Variants in OTOGL observed in about 807,000 individuals in gnomAD.
The protein encoded by OTOGL is otogelin like.
In OTOGL, 285 loss-of-function variants were observed where a neutral mutation model predicts 318.5. That is an observed-to-expected ratio of 0.89 (90% CI 0.81 to 0.99). The LOEUF (loss-of-function observed/expected upper bound fraction) is 0.99, where lower values mean the gene tolerates loss of function less well. Among genes scored for constraint, OTOGL ranks in the 50% least tolerant of loss-of-function variants. OTOGL has a pLI of 0.00. For missense variants in OTOGL, 2,899 were observed against 2,845.6 expected (o/e 1.02, Z -0.43); for synonymous variants, 987 against 936.5 (o/e 1.05, Z -0.99).
At position 80,356,842 on chromosome 12, in the gene OTOGL, C is replaced by T; in HGVS notation, c.5947C>T (p.Pro1983Ser). The stretch of plus-strand genomic sequence containing the variant: ...ATTGAAATGCCCCAGTATTTCAACA[C>T]CAGAATGCAGAGAAGATCAATTCAT... Reference protein sequence around the residue: ...DPLKCPSISTPECREDQFMIQ... With the variant: ...DPLKCPSISTSECREDQFMIQ... Residue 1983 changes from proline to serine, a missense_variant, in exon 49 of 59, where the codon CCA (proline) becomes TCA (serine). Transcript: ENST00000547103. 6.3e-7 allele frequency: 1 copy of T among 1,594,102 alleles called. No individual in the cohort carries two copies. Among genetic ancestry groups the T allele is most frequent in the Non-Finnish European group, 8.5e-7 (1 of 1,170,702 alleles).
chr12:80,314,965 A>G (rs572115958), intron 32 of OTOGL, among the ~76,000 whole-genome samples: 1 of 152,338 alleles, frequency 6.6e-6, no homozygotes, highest in African/African-American at 2.4e-5. Context: ...AAGTGAAGTA[A>G]GTCAGGCACA....
Position 80,279,089 on chromosome 12 carries a change from T to C in OTOGL, c.2851T>C (p.Tyr951His). ...TCCATGCCCAGCAGTGTGCACAATATACGGGGACCGACATTATTATTCTTT... is the reference window on the plus strand; with the variant it reads ...TCCATGCCCAGCAGTGTGCACAATACACGGGGACCGACATTATTATTCTTT... ...YYPCPAVCTI[Y>H]GDRHYYSFDG... Residue 951 changes from tyrosine to histidine, a missense_variant, in exon 26 of 59, where the codon TAC becomes CAC. Tyr to His is a moderately conservative substitution (Grantham distance 83). Coordinates refer to ENST00000547103, the MANE Select transcript of OTOGL (RefSeq NM_001378609.3). 6.3e-7 allele frequency: 1 copy of C among 1,583,904 alleles called. No homozygotes were observed.
chr12:80,125,619 GCTC>G (rs1335078005), intron 1 of OTOGL, among the ~76,000 whole-genome samples: 1 of 152,182 alleles, frequency 6.6e-6, no homozygotes, highest in Non-Finnish European at 1.5e-5. Context: ...AATGGTACCA[GCTC>G]CTCCTTGTAC....
chr12:80,344,486 G>A (rs1173631165), intron 44 of OTOGL, among the ~76,000 whole-genome samples: 1 of 152,144 alleles, frequency 6.6e-6, no homozygotes, highest in Admixed American at 6.5e-5. Flanking sequence ...AGGCTGCAGT[G>A]AGCCGAGATC....
intron 1 of OTOGL, among the ~76,000 whole-genome samples, chr12:80,161,840 T>A (rs1283535704): frequency 6.6e-6 from 1 of 152,056 alleles, no homozygotes; most frequent in Admixed American, 6.6e-5. Flanking sequence ...ATTTATGGAG[T>A]CATAAGGTTG....
Position 80,223,038 on chromosome 12 carries a change from C to G in OTOGL, c.489+793C>G, listed in dbSNP as rs118061676. On this transcript the variant is annotated intron_variant, in intron 7 of 58. Coordinates refer to ENST00000547103, the MANE Select transcript of OTOGL (RefSeq NM_001378609.3). The stretch of plus-strand genomic sequence containing the variant: ...GTAGTCTTTTACCCCTCATCACCCC[C>G]CAGCCTTTCCCCTTGGTCCCCAAAG... 1.5e-3 allele frequency among the ~76,000 whole-genome samples: 233 copies of G among 152,122 alleles called. 5 individuals carry two copies. The East Asian group carries it at 0.042, about 27-fold the overall frequency.
At chr12:80,328,793 T>C (rs1887876466) in intron 36 of OTOGL, 49 bp downstream of exon 36, 2 of 1,492,772 alleles carry the variant, frequency 1.3e-6, no homozygotes, top group Non-Finnish European at 9.3e-7. Flanking sequence ...TACGCTTGCA[T>C]ATGTTTTTTC....
In OTOGL at chr12:80,176,604, C is replaced by T. The variant is rs1457561124; in HGVS notation, c.-19-32809C>T. ...TTATTTTTTATTGCTAAGTAGTATT[C>T]CATTGTATGGATATACTTCAATTTG... is the stretch of plus-strand genomic sequence containing the variant. On this transcript the variant is annotated intron_variant, in intron 1 of 58. Coordinates refer to ENST00000547103, the MANE Select transcript of OTOGL (RefSeq NM_001378609.3). Among the ~76,000 whole-genome samples, 13 of 151,890 alleles carry T rather than the reference C, an allele frequency of 8.6e-5. No homozygotes were observed. The South Asian group carries it at 2.5e-3, about 29-fold the overall frequency.
At chr12:80,187,593 C>T (rs1875381861) in intron 1 of OTOGL, among the ~76,000 whole-genome samples, 1 of 152,168 alleles carries the variant, frequency 6.6e-6, no homozygotes, top group Non-Finnish European at 1.5e-5. Context: ...CATTGAACCT[C>T]ACTAAGTATA....
At chr12:80,137,848 C>T (rs1033796054) in intron 1 of OTOGL, among the ~76,000 whole-genome samples, 3 of 152,018 alleles carry the variant, frequency 2.0e-5, no homozygotes, top group Admixed American at 6.6e-5. Context: ...AAATCAGGGA[C>T]GCAAATGAGA....
chr12:80,100,557 C>A lies in OTOGL; in HGVS notation c.-20+952C>A, dbSNP rs151338789. Among the ~76,000 whole-genome samples the A allele has an allele frequency of 3.9e-3, 601 of 152,190 alleles. 1 individual carries two copies. Among genetic ancestry groups the A allele is most frequent in the Middle Eastern group, 0.02 (6 of 294 alleles). The stretch of plus-strand genomic sequence containing the variant: ...TCATATAAACCCATATAATTGATTT[C>A]AACTTTATAAAACACATTGTTTTTC... On this transcript the variant is annotated intron_variant, in intron 1 of 58. Transcript: ENST00000547103.
intron 1 of OTOGL, among the ~76,000 whole-genome samples, chr12:80,136,850 A>AT (rs1469318899): frequency 6.6e-6 from 1 of 151,936 alleles, no homozygotes; most frequent in Non-Finnish European, 1.5e-5. Flanking sequence ...GTTTATTTAT[A>AT]TTTATTTCTT....
chr12:80,306,141 C>T (rs767966629), intron 29 of OTOGL, among the ~76,000 whole-genome samples: 5 of 152,072 alleles, frequency 3.3e-5, no homozygotes, highest in East Asian at 1.9e-4. Flanking sequence ...AAGGGAGACA[C>T]GTGTATATGT....
chr12:80,118,018 A>T (rs1323097807), intron 1 of OTOGL, among the ~76,000 whole-genome samples: 2 of 152,110 alleles, frequency 1.3e-5, no homozygotes, highest in African/African-American at 4.8e-5. Context: ...CTGTTGTCTC[A>T]TCACTGCCAG....
chr12:80,254,699 T>G (rs2137514302), intron 15 of OTOGL, 129 bp downstream of exon 15: 2 of 715,100 alleles, frequency 2.8e-6, no homozygotes, highest in Non-Finnish European at 4.3e-6. Flanking sequence ...ATGCAATTAC[T>G]CAGAGGATAC....
intron 4 of OTOGL, among the ~76,000 whole-genome samples, chr12:80,216,905 A>T (rs975604563): frequency 2.6e-5 from 4 of 152,182 alleles, no homozygotes; most frequent in African/African-American, 9.7e-5. Flanking sequence ...TATGTAACAA[A>T]CCTGCACGTT....
chr12:80,351,874 A>G (rs1453930411), intron 44 of OTOGL, among the ~76,000 whole-genome samples: 10 of 152,214 alleles, frequency 6.6e-5, no homozygotes, highest in Non-Finnish European at 8.8e-5. Flanking sequence ...GAATATTAAT[A>G]AAAGTTTTGA....
intron 51 of OTOGL, 32 bp downstream of exon 51, chr12:80,358,807 A>G: frequency 6.4e-7 from 1 of 1,564,272 alleles, no homozygotes; most frequent in Non-Finnish European, 8.7e-7. Context: ...AGGTTTCATT[A>G]TAATAAGTTA....
At chr12:80,366,530 T>TATATATATATATATATAA (rs201357228) in intron 52 of OTOGL, 44 bp from the exon 53 acceptor site, 4 of 355,354 alleles carry the variant, frequency 1.1e-5, no homozygotes, top group African/African-American at 6.6e-5. Flanking sequence ...TATATATATA[T>TATATATATATATATATAA]AAAATAAGCT....
Sources: allele counts gnomAD v4.1 joint callset (sites outside exome capture counted in the v4.1 genomes callset), GRCh38; gene constraint gnomAD v4.1.1; transcripts MANE v1.5; gene names NCBI Gene and HGNC (gene_info 2026-07-23, HGNC 2026-07-21).